Variants in DNAH14 observed in about 807,000 individuals in gnomAD.
The protein encoded by DNAH14 is dynein axonemal heavy chain 14, also known as axonemal beta dynein heavy chain 14.
Under a neutral mutation model 520.9 loss-of-function variants are expected in DNAH14, and 478 were observed. That is an observed-to-expected ratio of 0.92 (90% CI 0.85 to 0.99). The LOEUF (loss-of-function observed/expected upper bound fraction) is 0.99. Ranked by LOEUF, DNAH14 falls within the 50% of genes least tolerant of loss-of-function variation. The pLI is 0.00. For missense variants in DNAH14, 4,831 were observed against 5,234.5 expected (o/e 0.92, Z 2.38); for synonymous variants, 1,581 against 1,757.2 (o/e 0.90, Z 2.51).
chr1:225,360,543 C>T (rs1033255476), intron 74 of DNAH14, 138 bp from the exon 75 acceptor site: 23 of 805,050 alleles, frequency 2.9e-5, no homozygotes, highest in Non-Finnish European at 4.4e-5. Flanking sequence ...AAACTCTGGG[C>T]TCTAATTTCA....
intron 1 of DNAH14, among the ~76,000 whole-genome samples, chr1:224,950,405 G>A (rs902553894): frequency 6.6e-6 from 1 of 152,136 alleles, no homozygotes; most frequent in Non-Finnish European, 1.5e-5. Flanking sequence ...ACTTGACTCT[G>A]TATAAAATTC....
At chr1:225,146,153 A>T (rs1350577536) in intron 30 of DNAH14, among the ~76,000 whole-genome samples, 1 of 152,214 alleles carries the variant, frequency 6.6e-6, no homozygotes, top group Non-Finnish European at 1.5e-5. Context: ...GAGTGAGGCC[A>T]AAAAGCCTGC....
Position 225,232,272 on chromosome 1 carries a change from T to G in DNAH14, c.6518+1121T>G, listed in dbSNP as rs931833014. Among the ~76,000 whole-genome samples, 1 of 143,768 alleles carries G rather than the reference T, an allele frequency of 7.0e-6. No individual in the cohort carries two copies. 94.3% of individuals were successfully genotyped at this position (143,768 alleles called of 152,430 possible). ...GTCATTATATATATAAACTGTGATA[T>G]ATATATATACACACACACACACACA... is the stretch of plus-strand genomic sequence containing the variant. On this transcript the variant is annotated intron_variant, in intron 42 of 85. Transcript: ENST00000682510. This position sits in a 1 kb window ranked among gnomAD's most constrained non-coding sequence, Gnocchi z 4.2.
chr1:225,335,141 A>G (rs941098948), intron 66 of DNAH14, among the ~76,000 whole-genome samples: 8 of 123,112 alleles, frequency 6.5e-5, no homozygotes, highest in Non-Finnish European at 8.6e-5. Context: ...GTGCATGTGC[A>G]CATGTGTACA....
At chr1:225,389,694 T>G (rs745735759) in intron 82 of DNAH14, 40 bp from the exon 83 acceptor site, 4 of 1,546,944 alleles carry the variant, frequency 2.6e-6, no homozygotes, top group Non-Finnish European at 3.5e-6. Flanking sequence ...GTGCAATTAT[T>G]ATGCCCTTAA....
In DNAH14 at chr1:225,167,966, TTGGGTTTACAAAACTGGTC is replaced by T. The variant is rs1559157444; in HGVS notation, c.5474_5492del (p.Leu1825TyrfsTer20). 2.6e-6 allele frequency: 4 copies of T among 1,536,922 alleles called. No individual in the cohort carries two copies. The highest frequency in any genetic ancestry group is 2.6e-6 in the Non-Finnish European group (3 of 1,139,926). On this transcript the variant is annotated frameshift_variant, in exon 36 of 86. Coordinates refer to ENST00000682510, the MANE Select transcript of DNAH14 (RefSeq NM_001367479.1). LOFTEE classifies it high-confidence loss of function. The stretch of plus-strand genomic sequence containing the variant: ...AGTAATATATACTGCAACTCAGCAA[TTGGGTTTACAAAACTGGTC>T]ATCTCAGAAAGAGAAGATTATACAG...
rs1287960405 is a variant in DNAH14 at position 225,259,264 on chromosome 1, C to A, written c.7157+11C>A. The A allele has an allele frequency of 7.2e-7, 1 of 1,388,868 alleles. No homozygotes were observed. The highest frequency in any genetic ancestry group is 1.7e-5 in the South Asian group (1 of 59,006). The allele number at this position is 1,388,868 out of a possible 1,614,324, so 86.0% of individuals were successfully genotyped here. On this transcript the variant is annotated intron_variant, in intron 46 of 85. Coordinates refer to ENST00000682510, the MANE Select transcript of DNAH14 (RefSeq NM_001367479.1). ...AATAAAAAAATCAAGGTTGTATATA[C>A]TAACTTCTAAATTTGATTTGTCTGA...
intron 7 of DNAH14, chr1:224,969,736 T>G (rs548151807): frequency 4.8e-6 from 1 of 209,116 alleles, no homozygotes; most frequent in East Asian, 1.1e-4. Flanking sequence ...ATTAATACTT[T>G]TATAATTTCT....
At chr1:225,233,055 G>A (rs1030000129) in intron 42 of DNAH14, among the ~76,000 whole-genome samples, 1 of 152,152 alleles carries the variant, frequency 6.6e-6, no homozygotes, top group Admixed American at 6.6e-5. Flanking sequence ...AGAACATGTA[G>A]TGTTTGGTTT....
intron 17 of DNAH14, 86 bp from the exon 18 acceptor site, chr1:225,079,121 A>G: frequency 8.2e-7 from 1 of 1,215,154 alleles, no homozygotes; most frequent in Non-Finnish European, 1.2e-6. Context: ...TTAGACTTAT[A>G]TAAGTCAGAG....
At chr1:225,241,299 G>T (rs1016724646) in intron 43 of DNAH14, among the ~76,000 whole-genome samples, 6 of 152,120 alleles carry the variant, frequency 3.9e-5, no homozygotes, top group African/African-American at 1.4e-4. Context: ...TTTGCAATTA[G>T]CTGTTGTTGA....
chr1:225,318,537 A>G, intron 60 of DNAH14, 46 bp from the exon 61 acceptor site: 1 of 1,468,774 alleles, frequency 6.8e-7, no homozygotes, highest in Non-Finnish European at 9.1e-7. Flanking sequence ...TAAATATGCA[A>G]CTATATTGAT....
chr1:225,226,260 A>G (rs2090521011), intron 41 of DNAH14, among the ~76,000 whole-genome samples: 1 of 152,144 alleles, frequency 6.6e-6, no homozygotes, highest in Non-Finnish European at 1.5e-5. Context: ...TCTCTCATTA[A>G]TGGCACACAT....
intron 77 of DNAH14, among the ~76,000 whole-genome samples, chr1:225,372,063 A>ATT (rs1274619081): frequency 6.6e-6 from 1 of 152,184 alleles, no homozygotes; most frequent in African/African-American, 2.4e-5. Flanking sequence ...CATAGGTAAT[A>ATT]AGTGGAGGTC....
intron 30 of DNAH14, 87 bp downstream of exon 30, chr1:225,145,466 T>C (rs757372465): frequency 2.0e-4 from 227 of 1,109,146 alleles, no homozygotes; most frequent in Non-Finnish European, 2.8e-4. Flanking sequence ...ACAAGAAAAA[T>C]ATTTATCTGA....
chr1:225,371,029 A>G (rs1478641713), intron 77 of DNAH14, among the ~76,000 whole-genome samples: 4 of 152,224 alleles, frequency 2.6e-5, no homozygotes, highest in Admixed American at 6.5e-5. Flanking sequence ...ATGGTTTTAC[A>G]GCTTAATTCA....
chr1:225,255,771 G>C (rs1368837776), intron 44 of DNAH14, among the ~76,000 whole-genome samples: 2 of 152,074 alleles, frequency 1.3e-5, no homozygotes, highest in African/African-American at 2.4e-5. Flanking sequence ...TGGATGACTA[G>C]AATAAAGGTA....
intron 84 of DNAH14, chr1:225,395,760 GT>G (rs1371793601): frequency 1.3e-5 from 2 of 152,264 alleles, no homozygotes; most frequent in African/African-American, 4.8e-5. Context: ...GATACTTCTT[GT>G]TTTCCGGTGC....
intron 2 of DNAH14, 36 bp downstream of exon 2, chr1:224,952,815 AAAGT>A: frequency 6.7e-7 from 1 of 1,496,760 alleles, no homozygotes; most frequent in Non-Finnish European, 9.0e-7. Context: ...GTTTTTTTCT[AAAGT>A]AAGATTTCAG....
Sources: allele counts gnomAD v4.1 joint callset (sites outside exome capture counted in the v4.1 genomes callset), GRCh38; gene constraint gnomAD v4.1.1; non-coding constraint Gnocchi (gnomAD v3.1); transcripts MANE v1.5; gene names NCBI Gene and HGNC (gene_info 2026-07-23, HGNC 2026-07-21).